The following PDE10A variants were observed in gnomAD, a reference collection of about 807,000 sequenced individuals.
PDE10A encodes cAMP and cAMP-inhibited cGMP 3',5'-cyclic phosphodiesterase 10A.
In PDE10A, 39 loss-of-function variants were observed where a neutral mutation model predicts 97.7. The observed-to-expected ratio is 0.40, with a 90% confidence interval of 0.31 to 0.52. The LOEUF is 0.52. Among genes scored for constraint, PDE10A ranks in the 20% least tolerant of loss-of-function variants. The pLI, the probability that PDE10A is intolerant of heterozygous loss-of-function variation, is 0.56. For synonymous variants in PDE10A, 371 were observed against 376.8 expected (o/e 0.98, Z 0.18); for missense variants, 731 against 1,047.8 (o/e 0.70, Z 4.17).
chr6:165,415,473 G>A lies in PDE10A; in HGVS notation c.1889+716C>T, dbSNP rs558013378. Among the ~76,000 whole-genome samples the A allele has an allele frequency of 4.6e-5, 7 of 152,172 alleles. No individual in the cohort carries two copies. In the East Asian group the frequency reaches 5.8e-4, roughly 13 times the overall value. ...AATCCTGAGACTTTCCATTTCTAGC[G>A]ATTTATTAAAATCAAATTACATAAT... On this transcript the variant is annotated intron_variant, in intron 12 of 21. Coordinates refer to ENST00000539869, the MANE Select transcript of PDE10A (RefSeq NM_001385079.1).
intron 1 of PDE10A, among the ~76,000 whole-genome samples, chr6:165,645,660 C>A (rs1039522191): frequency 2.6e-5 from 4 of 151,862 alleles, no homozygotes; most frequent in African/African-American, 7.3e-5. Flanking sequence ...TCGAGACCAG[C>A]CTGACCAATA....
intron 2 of PDE10A, among the ~76,000 whole-genome samples, chr6:165,503,832 CT>C (rs1781040366): frequency 6.6e-6 from 1 of 151,986 alleles, no homozygotes; most frequent in Non-Finnish European, 1.5e-5. Flanking sequence ...AAATAAGTAA[CT>C]GAAAGATCTT....
At chr6:165,397,658 C>T (rs557031375) in intron 13 of PDE10A, among the ~76,000 whole-genome samples, 14 of 137,124 alleles carry the variant, frequency 1.0e-4, no homozygotes, top group African/African-American at 3.4e-4. Flanking sequence ...GCCAAGATGG[C>T]GCCATTGCAC....
intron 1 of PDE10A, among the ~76,000 whole-genome samples, chr6:165,888,721 T>C (rs1781698507): frequency 6.6e-6 from 1 of 152,206 alleles, no homozygotes. Flanking sequence ...CAAAAATGCA[T>C]GAGCCTAAGA....
chr6:165,550,675 C>T (rs1783969454), intron 1 of PDE10A, among the ~76,000 whole-genome samples: 1 of 151,898 alleles, frequency 6.6e-6, no homozygotes, highest in African/African-American at 2.4e-5. Context: ...TTGTTTTTTC[C>T]ATCCATAAAC....
intron 1 of PDE10A, among the ~76,000 whole-genome samples, chr6:165,916,764 C>G (rs1038290284): frequency 6.6e-6 from 1 of 152,162 alleles, no homozygotes; most frequent in African/African-American, 2.4e-5. Flanking sequence ...TCAGCAATGA[C>G]CAACAATTCT....
intron 3 of PDE10A, among the ~76,000 whole-genome samples, chr6:165,460,659 A>G (rs12209051): frequency 0.33 from 50,187 of 152,006 alleles, 8,854 homozygotes; most frequent in African/African-American, 0.45. Flanking sequence ...GAAATATATA[A>G]AAGTAGCTAT....
chr6:165,737,843 G>A (rs1394203957), intron 1 of PDE10A, among the ~76,000 whole-genome samples: 1 of 152,112 alleles, frequency 6.6e-6, no homozygotes, highest in Non-Finnish European at 1.5e-5. Flanking sequence ...CATGCAAATT[G>A]AACAGGAAGA....
At chr6:165,836,243 C>A (rs1414145044) in intron 1 of PDE10A, among the ~76,000 whole-genome samples, 1 of 152,198 alleles carries the variant, frequency 6.6e-6, no homozygotes, top group Non-Finnish European at 1.5e-5. Context: ...CATGTCACAA[C>A]CCTACACACG....
At chr6:165,538,015 T>G (rs1425706705) in intron 2 of PDE10A, among the ~76,000 whole-genome samples, 1 of 152,028 alleles carries the variant, frequency 6.6e-6, no homozygotes, top group Non-Finnish European at 1.5e-5. Flanking sequence ...CCCATTAATT[T>G]AATATCCTTC....
At chr6:165,799,839 T>C (rs1778937765) in intron 1 of PDE10A, among the ~76,000 whole-genome samples, 1 of 152,236 alleles carries the variant, frequency 6.6e-6, no homozygotes, top group Admixed American at 6.5e-5. Context: ...ACTGAAATTC[T>C]TTGTGTGTGA....
chr6:165,556,213 A>G (rs953921543), intron 1 of PDE10A, among the ~76,000 whole-genome samples: 26 of 152,240 alleles, frequency 1.7e-4, no homozygotes, highest in African/African-American at 6.0e-4. Flanking sequence ...TAATCCCTGC[A>G]TTGCTCAAGG....
At chr6:165,616,832 G>C (rs749284467) in intron 1 of PDE10A, among the ~76,000 whole-genome samples, 1 of 152,078 alleles carries the variant, frequency 6.6e-6, no homozygotes, top group Non-Finnish European at 1.5e-5. Flanking sequence ...TGCACCACCA[G>C]TTTTCACAAA....
intron 1 of PDE10A, among the ~76,000 whole-genome samples, chr6:165,652,977 G>A (rs78010987): frequency 2.0e-5 from 3 of 152,236 alleles, no homozygotes; most frequent in Admixed American, 6.5e-5. Context: ...CCACCAGCTC[G>A]GGCATATGGA....
chr6:165,847,528 C>G (rs1054343882), intron 1 of PDE10A, among the ~76,000 whole-genome samples: 4 of 152,252 alleles, frequency 2.6e-5, no homozygotes, highest in African/African-American at 9.6e-5. Context: ...GAAGCATGTA[C>G]CGAACATGCA....
chr6:165,816,449 C>T (rs1779416031), intron 1 of PDE10A, among the ~76,000 whole-genome samples: 1 of 152,154 alleles, frequency 6.6e-6, no homozygotes, highest in South Asian at 2.1e-4. Context: ...AGAGAAAGGC[C>T]ACGGAGCAGT....
intron 1 of PDE10A, chr6:165,908,778 G>A (rs1377936733): frequency 1.3e-5 from 2 of 152,250 alleles, no homozygotes; most frequent in Non-Finnish European, 2.9e-5. Flanking sequence ...CCAGGGTGGA[G>A]CCTTGTCAAG....
chr6:165,405,765 A>T (rs1270396855), intron 13 of PDE10A, among the ~76,000 whole-genome samples: 1 of 152,224 alleles, frequency 6.6e-6, no homozygotes, highest in Non-Finnish European at 1.5e-5. Context: ...CTCAAAAAGT[A>T]GGGAAAGAAT....
At chr6:165,440,021 TA>T (rs1318183246) in intron 5 of PDE10A, among the ~76,000 whole-genome samples, 1 of 152,186 alleles carries the variant, frequency 6.6e-6, no homozygotes, top group Non-Finnish European at 1.5e-5. Flanking sequence ...GACTTCAACT[TA>T]CAACCAGTTA....
Sources: allele counts gnomAD v4.1 joint callset (sites outside exome capture counted in the v4.1 genomes callset), GRCh38; gene constraint gnomAD v4.1.1; transcripts MANE v1.5; gene names NCBI Gene and HGNC (gene_info 2026-07-23, HGNC 2026-07-21).